PTPRN2: variants seen among roughly 807,000 people sequenced by gnomAD.
PTPRN2 encodes protein tyrosine phosphatase receptor type N2, also known as receptor-type tyrosine-protein phosphatase N2.
In PTPRN2, 74 loss-of-function variants were observed where a neutral mutation model predicts 118.8. The ratio of observed to expected loss-of-function variants is 0.62; its 90% CI spans 0.52 to 0.76. The LOEUF (loss-of-function observed/expected upper bound fraction) is 0.76. Ranked by LOEUF, PTPRN2 falls within the 30% of genes least tolerant of loss-of-function variation. The pLI, the probability that PTPRN2 is intolerant of heterozygous loss-of-function variation, is 0.00. For synonymous variants in PTPRN2, 641 were observed against 608.0 expected (o/e 1.05, Z -0.80); for missense variants, 1,481 against 1,394.4 (o/e 1.06, Z -0.99).
At chr7:157,993,976 C>T (rs1198719801) in intron 11 of PTPRN2, among the ~76,000 whole-genome samples, 1 of 152,128 alleles carries the variant, frequency 6.6e-6, no homozygotes, top group Non-Finnish European at 1.5e-5. Flanking sequence ...TATTTTACTG[C>T]CTAATTTCAA....
At chr7:158,075,734 C>G (rs1177733809) in intron 11 of PTPRN2, among the ~76,000 whole-genome samples, 1 of 152,250 alleles carries the variant, frequency 6.6e-6, no homozygotes, top group Non-Finnish European at 1.5e-5. Flanking sequence ...ATCTCCCTCG[C>G]CCACTCTGGG....
In PTPRN2 at chr7:157,632,515, G is replaced by A. The variant is rs1186319292; in HGVS notation, c.2197-11006C>T. 1.3e-5 allele frequency among the ~76,000 whole-genome samples: 2 copies of A among 152,184 alleles called. No homozygotes were observed. Among genetic ancestry groups the A allele is most frequent in the South Asian group, 2.1e-4 (1 of 4,818 alleles). On this transcript the variant is annotated intron_variant, in intron 14 of 22. Coordinates refer to ENST00000389418, the MANE Select transcript of PTPRN2 (RefSeq NM_002847.5). The surrounding 1 kb of genome is among the most constrained non-coding windows in gnomAD (Gnocchi z 4.3). Reference sequence around the variant, plus strand: ...TACCACCTACTCTTACTAAGTAGGGGAAAGTCTTGTTCTTTCATACGATTG... The same window carrying A: ...TACCACCTACTCTTACTAAGTAGGGAAAAGTCTTGTTCTTTCATACGATTG...
intron 11 of PTPRN2, among the ~76,000 whole-genome samples, chr7:158,044,192 G>A (rs573635754): frequency 6.6e-6 from 1 of 152,316 alleles, no homozygotes; most frequent in East Asian, 1.9e-4. Context: ...TGTCCAGAAA[G>A]TCTTGGTTAA....
At chr7:157,938,325 C>T (rs960284545) in intron 11 of PTPRN2, among the ~76,000 whole-genome samples, 1 of 152,236 alleles carries the variant, frequency 6.6e-6, no homozygotes, top group Non-Finnish European at 1.5e-5. Flanking sequence ...GACAGCTGCA[C>T]ATGCCTGCAG....
At chr7:158,249,337 G>A (rs1796503666) in intron 3 of PTPRN2, among the ~76,000 whole-genome samples, 1 of 143,616 alleles carries the variant, frequency 7.0e-6, no homozygotes, top group Admixed American at 7.0e-5. Flanking sequence ...CACCCTGCAT[G>A]CACACACATC....
intron 1 of PTPRN2, among the ~76,000 whole-genome samples, chr7:158,567,109 G>C (rs940921560): frequency 7.2e-5 from 11 of 152,248 alleles, no homozygotes; most frequent in Non-Finnish European, 1.5e-4. Flanking sequence ...AGGGGAGGAA[G>C]GTAAGGAGAA....
intron 10 of PTPRN2, among the ~76,000 whole-genome samples, chr7:158,096,060 C>A (rs1814603233): frequency 6.6e-6 from 1 of 152,196 alleles, no homozygotes; most frequent in Non-Finnish European, 1.5e-5. Flanking sequence ...AATCTGAATC[C>A]ATTAACAGTA....
At chr7:157,710,714 C>A (rs1252124869) in intron 12 of PTPRN2, among the ~76,000 whole-genome samples, 1 of 152,232 alleles carries the variant, frequency 6.6e-6, no homozygotes, top group African/African-American at 2.4e-5. Flanking sequence ...TGCCTACTGC[C>A]TGCCGCCTGG....
chr7:157,619,735 G>A lies in PTPRN2; in HGVS notation c.2344+1627C>T, dbSNP rs1279346134. Among the ~76,000 whole-genome samples, 1 of 152,172 alleles carries A rather than the reference G, an allele frequency of 6.6e-6. No homozygotes were observed. The highest frequency in any genetic ancestry group is 1.5e-5 in the Non-Finnish European group (1 of 68,032). On this transcript the variant is annotated intron_variant, in intron 15 of 22. Transcript: ENST00000389418. The surrounding 1 kb of genome is among the most constrained non-coding windows in gnomAD (Gnocchi z 5.3). ...GCAGTGCCCCAGGTTAGTTTCTGAA[G>A]CAAAACAAGATTCCAGCTTCTCACT...
intron 22 of PTPRN2, among the ~76,000 whole-genome samples, chr7:157,548,670 A>G (rs1563202786): frequency 6.6e-6 from 1 of 151,056 alleles, no homozygotes; most frequent in Non-Finnish European, 1.5e-5. Flanking sequence ...TTCTCCCCCC[A>G]CCCCCAAATC....
At chr7:157,720,973 T>C (rs984479194) in intron 12 of PTPRN2, among the ~76,000 whole-genome samples, 3 of 152,096 alleles carry the variant, frequency 2.0e-5, no homozygotes, top group Admixed American at 1.3e-4. Flanking sequence ...AGGCCCCATG[T>C]TGGGGAGGTA....
intron 12 of PTPRN2, among the ~76,000 whole-genome samples, chr7:157,745,736 G>A (rs567450878): frequency 6.6e-6 from 1 of 152,274 alleles, no homozygotes; most frequent in African/African-American, 2.4e-5. Context: ...TCACCCAAGA[G>A]GAAGCTGATA....
chr7:158,219,960 T>C (rs1219425473), intron 3 of PTPRN2, among the ~76,000 whole-genome samples: 1 of 151,626 alleles, frequency 6.6e-6, no homozygotes, highest in Non-Finnish European at 1.5e-5. Flanking sequence ...AAAGCAGAGC[T>C]AGTAACAATC....
chr7:158,521,717 GA>G (rs1824078439), intron 1 of PTPRN2, among the ~76,000 whole-genome samples: 3 of 112,796 alleles, frequency 2.7e-5, no homozygotes, highest in Admixed American at 1.6e-4. Flanking sequence ...AGTGGCTCAG[GA>G]GGGAGGTCCA....
intron 11 of PTPRN2, among the ~76,000 whole-genome samples, chr7:158,041,031 C>T (rs1164705197): frequency 1.3e-5 from 2 of 152,154 alleles, no homozygotes; most frequent in Non-Finnish European, 2.9e-5. Flanking sequence ...ACGCCCGGTC[C>T]ACCTGCTTTT....
chr7:158,556,477 T>C (rs1374803063), intron 1 of PTPRN2, among the ~76,000 whole-genome samples: 4 of 150,304 alleles, frequency 2.7e-5, no homozygotes, highest in Non-Finnish European at 5.9e-5. Context: ...TCACTTGAAC[T>C]GGGAGGCGGA....
At chr7:158,314,135 C>T (rs1237128670) in intron 3 of PTPRN2, among the ~76,000 whole-genome samples, 1 of 152,144 alleles carries the variant, frequency 6.6e-6, no homozygotes, top group Non-Finnish European at 1.5e-5. Context: ...GTGCCAGTTG[C>T]CAGCACATGG....
chr7:158,542,600 G>A (rs568612661), intron 1 of PTPRN2, among the ~76,000 whole-genome samples: 4 of 152,312 alleles, frequency 2.6e-5, no homozygotes, highest in South Asian at 4.1e-4. Flanking sequence ...CTGCAGCAGC[G>A]TCCATCCCTC....
At chr7:157,755,719 C>A (rs1389463900) in intron 12 of PTPRN2, among the ~76,000 whole-genome samples, 1 of 151,944 alleles carries the variant, frequency 6.6e-6, no homozygotes. Flanking sequence ...CACTGGGGAC[C>A]CCCAGAGGGA....
Sources: allele counts gnomAD v4.1 joint callset (sites outside exome capture counted in the v4.1 genomes callset), GRCh38; gene constraint gnomAD v4.1.1; non-coding constraint Gnocchi (gnomAD v3.1); transcripts MANE v1.5; gene names NCBI Gene and HGNC (gene_info 2026-07-23, HGNC 2026-07-21).